Variants in TENM4 observed in about 807,000 individuals in gnomAD.
TENM4 encodes the protein teneurin transmembrane protein 4, also known as teneurin-4.
A neutral mutation model predicts 243.3 loss-of-function variants in TENM4; 82 were observed. That is an observed-to-expected ratio of 0.34 (90% CI 0.28 to 0.40). TENM4 has a LOEUF of 0.40. Among genes scored for constraint, TENM4 ranks in the 10% least tolerant of loss-of-function variants. The probability of loss-of-function intolerance (pLI) is 1.00; values close to 1 mark genes in which losing one functional copy is unlikely to be tolerated. For missense variants in TENM4, 3,138 were observed against 3,673.3 expected, an observed-to-expected ratio of 0.85 and a Z score of 3.77; for synonymous variants, 1,412 against 1,456.3, an observed-to-expected ratio of 0.97 and a Z score of 0.69.
chr11:78,827,582 C>T (rs1393077543), intron 12 of TENM4, among the ~76,000 whole-genome samples: 2 of 152,014 alleles, frequency 1.3e-5, no homozygotes, highest in Non-Finnish European at 1.5e-5. Context: ...CTCCGCCTCC[C>T]GGGTTCAAGC....
intron 6 of TENM4, among the ~76,000 whole-genome samples, chr11:78,965,483 C>T (rs1316693633): frequency 2.6e-5 from 4 of 152,190 alleles, no homozygotes; most frequent in Non-Finnish European, 4.4e-5. Context: ...CCAGTCCATG[C>T]TGAGTTGTTA....
intron 6 of TENM4, among the ~76,000 whole-genome samples, chr11:78,932,512 T>TA (rs1554979721): frequency 4.6e-5 from 7 of 152,024 alleles, no homozygotes; most frequent in African/African-American, 1.7e-4. Context: ...TCTCACTTGA[T>TA]GGGGGGAGAG....
chr11:79,063,067 A>C (rs549214324), intron 6 of TENM4, among the ~76,000 whole-genome samples: 1 of 152,148 alleles, frequency 6.6e-6, no homozygotes. Context: ...CCACCCCTAG[A>C]CAAGTACACA....
intron 1 of TENM4, among the ~76,000 whole-genome samples, chr11:79,390,804 C>T (rs540001319): frequency 6.6e-6 from 1 of 152,360 alleles, no homozygotes; most frequent in Admixed American, 6.5e-5. Context: ...ATGTCCTCCA[C>T]TGCTGAGCCT....
rs527371279 is a variant in TENM4, at chr11:79,137,292, A to C, written c.-66+11418T>G. ...GTGTTGGCTGGGGTGACTGACCTGG[A>C]TTATCAAGATGAAATCAGTCTGCTA... On this transcript the variant is annotated intron_variant, in intron 4 of 33. Transcript: ENST00000278550. Among the ~76,000 whole-genome samples, 18 of 152,266 alleles carry C rather than the reference A, an allele frequency of 1.2e-4. No individual in the cohort carries two copies. The South Asian group carries it at 3.3e-3, about 28-fold the overall frequency.
intron 1 of TENM4, among the ~76,000 whole-genome samples, chr11:79,394,011 C>T (rs1347461797): frequency 6.6e-6 from 1 of 152,118 alleles, no homozygotes; most frequent in Non-Finnish European, 1.5e-5. Context: ...CAGGCTTGTT[C>T]TCTGAAAGGA....
At chr11:79,186,699 C>G (rs759701435) in intron 3 of TENM4, among the ~76,000 whole-genome samples, 9 of 152,148 alleles carry the variant, frequency 5.9e-5, no homozygotes, top group Non-Finnish European at 1.3e-4. Flanking sequence ...CAAAGAGAAC[C>G]TTGCCATCTT....
At chr11:79,230,207 C>T (rs1462895138) in intron 2 of TENM4, among the ~76,000 whole-genome samples, 2 of 152,174 alleles carry the variant, frequency 1.3e-5, no homozygotes, top group East Asian at 1.9e-4. Flanking sequence ...TTTCAGGACA[C>T]GCTGGTCATC....
intron 9 of TENM4, among the ~76,000 whole-genome samples, chr11:78,880,710 A>G (rs528470510): frequency 6.6e-6 from 1 of 152,366 alleles, no homozygotes; most frequent in South Asian, 2.1e-4. Flanking sequence ...TGTTTGCCCC[A>G]GTATCTTGAA....
intron 2 of TENM4, among the ~76,000 whole-genome samples, chr11:79,233,443 G>A (rs1864405733): frequency 6.6e-6 from 1 of 152,198 alleles, no homozygotes; most frequent in Non-Finnish European, 1.5e-5. Context: ...TTGTGGAAGA[G>A]GCAGGGGGAC....
chr11:79,074,379 G>C (rs566222098), intron 4 of TENM4, among the ~76,000 whole-genome samples: 1 of 152,184 alleles, frequency 6.6e-6, no homozygotes, highest in East Asian at 1.9e-4. Context: ...CTGGGGAAGG[G>C]GCCCACCTCA....
In TENM4 at chr11:79,321,316, G is replaced by A. The variant is rs550205408; in HGVS notation, c.-320-23773C>T. Among the ~76,000 whole-genome samples the A allele has an allele frequency of 1.1e-4, 16 of 152,182 alleles. 1 individual carries two copies. Among genetic ancestry groups the A allele is most frequent in the South Asian group, 8.3e-4 (4 of 4,820 alleles). ...CAACACATGCATCCCCCACCACCCC[G>A]GCTGCTACACTTTCAGGCAAATAAA... is the stretch of plus-strand genomic sequence containing the variant. On this transcript the variant is annotated intron_variant, in intron 1 of 33. Transcript: ENST00000278550.
chr11:79,115,500 C>T lies in TENM4; in HGVS notation c.-66+33210G>A, dbSNP rs992435781. Among the ~76,000 whole-genome samples the T allele has an allele frequency of 2.0e-5, 3 of 152,178 alleles. No homozygotes were observed. The East Asian group carries it at 5.8e-4, about 29-fold the overall frequency. On this transcript the variant is annotated intron_variant, in intron 4 of 33. Transcript: ENST00000278550. ...AATAAAGTCAGTTTGTTCTTTTCTT[C>T]TGATGCTCTACCCTCCCCTGAGTGA...
intron 2 of TENM4, among the ~76,000 whole-genome samples, chr11:79,246,141 C>T (rs887839229): frequency 6.6e-6 from 1 of 152,020 alleles, no homozygotes. Flanking sequence ...GCATGGCCTA[C>T]ATTTATAGAG....
chr11:78,814,307 G>T lies in TENM4; in HGVS notation c.1770C>A (p.Pro590=). ...TCHCFLGFLG[P]DCGRASCPVL... is the part of the protein sequence containing the mutation. ...CAGAGTTCTCACCTCTGCCACAGTC[G>T]GGGCCCAGGAAACCCAGGAAGCAGT... Residue 590 remains proline, a synonymous_variant, in exon 13 of 34, where the codon CCC becomes CCA. Transcript: ENST00000278550. The T allele has an allele frequency of 6.5e-7, 1 of 1,549,966 alleles. No homozygotes were observed. Among genetic ancestry groups the T allele is most frequent in the Non-Finnish European group, 8.7e-7 (1 of 1,146,216 alleles).
intron 2 of TENM4, among the ~76,000 whole-genome samples, chr11:79,217,210 G>A (rs1467942063): frequency 1.3e-5 from 2 of 152,274 alleles, no homozygotes; most frequent in Middle Eastern, 3.4e-3. Flanking sequence ...AGGTGCTAAG[G>A]TTTTAGGTCA....
Position 78,654,877 on chromosome 11 carries a change from A to C in TENM4, c.*3181T>G, listed in dbSNP as rs1857853471. 1 of 152,328 alleles carries C rather than the reference A, an allele frequency of 6.6e-6. No individual in the cohort carries two copies. Among genetic ancestry groups the C allele is most frequent in the African/African-American group, 2.4e-5 (1 of 41,428 alleles). The allele number at this position is 152,328 out of a possible 1,614,324, so 9.4% of individuals were successfully genotyped here. A position where few individuals can be genotyped will look rare whatever the true frequency, so the allele number is the denominator to read the frequency against. On this transcript the variant is annotated 3_prime_UTR_variant, in exon 34 of 34. Transcript: ENST00000278550. ...TTGGGGAATCAGTAAAGTCCTATTT[A>C]AGGTGGTGGCAGAGGGGCTGAGGAT...
chr11:78,966,824 A>C (rs1376391976), intron 6 of TENM4, among the ~76,000 whole-genome samples: 1 of 152,134 alleles, frequency 6.6e-6, no homozygotes, highest in Non-Finnish European at 1.5e-5. Flanking sequence ...CTCCTTACCA[A>C]GTCCACTGAG....
intron 1 of TENM4, among the ~76,000 whole-genome samples, chr11:79,323,210 C>T (rs569153235): frequency 3.3e-5 from 5 of 152,120 alleles, no homozygotes; most frequent in Non-Finnish European, 7.3e-5. Flanking sequence ...AGGCAGACAC[C>T]TTTTTCTTCT....
Sources: allele counts gnomAD v4.1 joint callset (sites outside exome capture counted in the v4.1 genomes callset), GRCh38; gene constraint gnomAD v4.1.1; transcripts MANE v1.5; gene names NCBI Gene and HGNC (gene_info 2026-07-23, HGNC 2026-07-21).